KHNYN: variants seen among roughly 807,000 people sequenced by gnomAD.
KHNYN encodes protein KHNYN.
KHNYN carries 42 observed loss-of-function variants against 62.7 expected under a neutral mutation model. That is an observed-to-expected ratio of 0.67 (90% CI 0.52 to 0.87). The LOEUF is 0.87. Ranked by LOEUF, KHNYN falls within the 40% of genes least tolerant of loss-of-function variation. The pLI, the probability that KHNYN is intolerant of heterozygous loss-of-function variation, is 0.00. For missense variants in KHNYN, 829 were observed against 874.1 expected (o/e 0.95, Z 0.65); for synonymous variants, 347 against 345.6 (o/e 1.00, Z -0.04).
chr14:24,427,909 G>A (rs199940555), upstream of KHNYN: 2 of 1,614,034 alleles, frequency 1.2e-6, no homozygotes, highest in East Asian at 2.2e-5. This position sits in a 1 kb window ranked among gnomAD's most constrained non-coding sequence, Gnocchi z 4.4. Context: ...GCACAGAGCT[G>A]GTGGCTGCCT....
At chr14:24,428,546 G>A, upstream of KHNYN, 2 of 1,156,392 alleles carry the variant, frequency 1.7e-6, no homozygotes, top group Non-Finnish European at 2.4e-6. Flanking sequence ...AGATTCAAAA[G>A]AAATGGTGAG....
chr14:24,440,438 C>T lies in KHNYN; in HGVS notation c.*3153C>T, dbSNP rs373631253. ...GCCGATGGGGCCCCCCAGGCCCAGG[C>T]GAAAGGGCAGCAGCATGTGGCCCAT... On this transcript the variant is annotated 3_prime_UTR_variant, in exon 8 of 8. Coordinates refer to ENST00000553935, the MANE Select transcript of KHNYN (RefSeq NM_015299.3). 1.0e-4 allele frequency: 164 copies of T among 1,611,864 alleles called. No homozygotes were observed. Among genetic ancestry groups the T allele is most frequent in the Middle Eastern group, 1.6e-4 (1 of 6,084 alleles).
chr14:24,423,391 C>A, the KHNYN span, among the ~76,000 whole-genome samples: 1 of 151,988 alleles, frequency 6.6e-6, no homozygotes, highest in Non-Finnish European at 1.5e-5. Context: ...GGATCCAAGA[C>A]TGGTGGATGA....
chr14:24,435,667 G>A (rs1397979065), intron 5 of KHNYN: 7 of 203,076 alleles, frequency 3.4e-5, no homozygotes, highest in Admixed American at 1.6e-4. Context: ...GTTTACTAAC[G>A]AGGCACAAAG....
intron 1 of KHNYN, 43 bp downstream of exon 1, chr14:24,430,162 G>A (rs2043078043): frequency 5.1e-6 from 5 of 982,738 alleles, no homozygotes; most frequent in Non-Finnish European, 6.0e-6. Context: ...GGGAGCGGGG[G>A]CCGCGGTGCG....
rs1448838002 is a variant in KHNYN, at chr14:24,438,844, CAA to C, written c.*1560_*1561del. The C allele has an allele frequency of 6.6e-6, 1 of 152,156 alleles. No homozygotes were observed. The highest frequency in any genetic ancestry group is 3.2e-3 in the Middle Eastern group (1 of 316). 9.4% of individuals were successfully genotyped at this position (152,156 alleles called of 1,614,324 possible). On this transcript the variant is annotated 3_prime_UTR_variant, in exon 8 of 8. Coordinates refer to ENST00000553935, the MANE Select transcript of KHNYN (RefSeq NM_015299.3). ...TGTGGGCCTGTGGGGAGTCTCTAGACAAGATCTTTTCCAGGCCCTGACTTCTG... is the reference window on the plus strand; with the variant it reads ...TGTGGGCCTGTGGGGAGTCTCTAGACGATCTTTTCCAGGCCCTGACTTCTG...
At chr14:24,436,995 C>A (rs765366637) in intron 7 of KHNYN, 41 bp from the exon 8 acceptor site, 9 of 1,585,868 alleles carry the variant, frequency 5.7e-6, no homozygotes, top group African/African-American at 5.4e-5. Flanking sequence ...AATTTCCCCC[C>A]CAGGATGCTC....
upstream of KHNYN, among the ~76,000 whole-genome samples, chr14:24,426,127 G>A (rs1014642191): frequency 6.6e-6 from 1 of 152,072 alleles, no homozygotes; most frequent in Non-Finnish European, 1.5e-5. Context: ...TATCATTGCA[G>A]GTACATGGAT....
In KHNYN at chr14:24,437,361, C is replaced by T; in HGVS notation, c.*76C>T. On this transcript the variant is annotated 3_prime_UTR_variant, in exon 8 of 8. Transcript: ENST00000553935. This position sits in a 1 kb window ranked among gnomAD's most constrained non-coding sequence, Gnocchi z 5.5. ...CTCAGCCCTTTCTGTGAGAGTCCCT[C>T]TGCTGCTCACTCTGATCCAGAGGCA... The T allele has an allele frequency of 6.6e-7, 1 of 1,525,220 alleles. No individual in the cohort carries two copies. The highest frequency in any genetic ancestry group is 2.3e-5 in the East Asian group (1 of 44,212). The allele number at this position is 1,525,220 out of a possible 1,614,324, so 94.5% of individuals were successfully genotyped here.
Position 24,441,527 on chromosome 14 carries a change from A to T in KHNYN, c.*4242A>T. ...TCAATTTCTTAGTGAAAGTACACAAAGGTTAGGAGAAACATGCATGGATCA... is the reference window on the plus strand; with the variant it reads ...TCAATTTCTTAGTGAAAGTACACAATGGTTAGGAGAAACATGCATGGATCA... On this transcript the variant is annotated 3_prime_UTR_variant, in exon 8 of 8. Coordinates refer to ENST00000553935, the MANE Select transcript of KHNYN (RefSeq NM_015299.3). 1 of 630,592 alleles carries T rather than the reference A, an allele frequency of 1.6e-6. No individual in the cohort carries two copies. The highest frequency in any genetic ancestry group is 2.6e-6 in the Non-Finnish European group (1 of 387,838). The allele number at this position is 630,592 out of a possible 1,614,324, so 39.1% of individuals were successfully genotyped here.
upstream of KHNYN, chr14:24,429,583 TCCGCCTC>T (rs1040943416): frequency 8.0e-5 from 55 of 690,074 alleles, no homozygotes; most frequent in East Asian, 1.7e-4. Flanking sequence ...ACGGGTACCC[TCCGCCTC>T]CCGCCTCCCG....
rs752847582 is a variant in KHNYN, at chr14:24,440,334, C to A, written c.*3049C>A. 105 of 1,614,010 alleles carry A rather than the reference C, an allele frequency of 6.5e-5. No individual in the cohort carries two copies. The Admixed American group carries it at 1.7e-3, about 26-fold the overall frequency. ...GCCACTCCATTCAGGACCCCGTGCA[C>A]GTGGTTTGCTTCAAGGGCATGGGTC... On this transcript the variant is annotated 3_prime_UTR_variant, in exon 8 of 8. Coordinates refer to ENST00000553935, the MANE Select transcript of KHNYN (RefSeq NM_015299.3).
rs1239947709 is a variant in KHNYN, at chr14:24,440,572, C to T, written c.*3287C>T. 2 of 1,488,978 alleles carry T rather than the reference C, an allele frequency of 1.3e-6. No homozygotes were observed. The highest frequency in any genetic ancestry group is 2.0e-5 in the Admixed American group (1 of 50,264). The allele number at this position is 1,488,978 out of a possible 1,614,324, so 92.2% of individuals were successfully genotyped here. Reference sequence around the variant, plus strand: ...CTGCTCCTCCTGGTTTCTGTTTCCCCTTCCTCACTCTCCCCATGCTGACTT... The same window carrying T: ...CTGCTCCTCCTGGTTTCTGTTTCCCTTTCCTCACTCTCCCCATGCTGACTT... On this transcript the variant is annotated 3_prime_UTR_variant, in exon 8 of 8. Coordinates refer to ENST00000553935, the MANE Select transcript of KHNYN (RefSeq NM_015299.3).
chr14:24,440,784 T>C lies in KHNYN; in HGVS notation c.*3499T>C, dbSNP rs1166185386. 2 of 1,613,914 alleles carry C rather than the reference T, an allele frequency of 1.2e-6. No homozygotes were observed. Among genetic ancestry groups the C allele is most frequent in the East Asian group, 4.5e-5 (2 of 44,890 alleles). On this transcript the variant is annotated 3_prime_UTR_variant, in exon 8 of 8. Transcript: ENST00000553935. ...CTGATACCCAGGCCCGTTTCTCACC[T>C]GAGCGCACCACCACCTGGCGTGTAG...
upstream of KHNYN, chr14:24,428,280 G>A (rs2043044204): frequency 2.5e-6 from 4 of 1,613,584 alleles, no homozygotes; most frequent in Non-Finnish European, 3.4e-6. Context: ...CCAGTGCTGA[G>A]GTCACCTGGA....
At chr14:24,431,239 G>A (rs1226496784) in intron 2 of KHNYN, among the ~76,000 whole-genome samples, 6 of 152,204 alleles carry the variant, frequency 3.9e-5, no homozygotes, top group Non-Finnish European at 1.5e-5. Context: ...TGTGGGGTGG[G>A]AGGCTGGGCC....
At position 24,441,398 on chromosome 14, in the gene KHNYN, A is replaced by G. The variant is rs1251404851; in HGVS notation, c.*4113A>G. The G allele has an allele frequency of 4.1e-6, 2 of 483,284 alleles. No individual in the cohort carries two copies. Among genetic ancestry groups the G allele is most frequent in the Non-Finnish European group, 7.3e-6 (2 of 275,432 alleles). 29.9% of individuals were successfully genotyped at this position (483,284 alleles called of 1,614,324 possible). A position where few individuals can be genotyped will look rare whatever the true frequency, so the allele number is the denominator to read the frequency against. ...TACTTGGTCCCAAAGGTGACCAGGA[A>G]CTCTGTTCCTAAAGAACTATGGTGT... is the stretch of plus-strand genomic sequence containing the variant. On this transcript the variant is annotated 3_prime_UTR_variant, in exon 8 of 8. Transcript: ENST00000553935.
chr14:24,441,703 G>T lies in KHNYN; in HGVS notation c.*4418G>T, dbSNP rs754080553. The T allele has an allele frequency of 6.3e-7, 1 of 1,594,532 alleles. No individual in the cohort carries two copies. The highest frequency in any genetic ancestry group is 1.9e-5 in the Admixed American group (1 of 52,626). The stretch of plus-strand genomic sequence containing the variant: ...ACCTGTGACTAAGACCCAGGCCTTG[G>T]GGGGTTGTGGGGCTTTGGTGATGGC... On this transcript the variant is annotated 3_prime_UTR_variant, in exon 8 of 8. Transcript: ENST00000553935.
In KHNYN at chr14:24,440,677, G is replaced by T; in HGVS notation, c.*3392G>T. On this transcript the variant is annotated 3_prime_UTR_variant, in exon 8 of 8. Coordinates refer to ENST00000553935, the MANE Select transcript of KHNYN (RefSeq NM_015299.3). Reference sequence around the variant, plus strand: ...ATCTGCAGGTTGGCTAGAAGTGGTGGCATCCTCTCACTCTGTAATTGTAAT... The same window carrying T: ...ATCTGCAGGTTGGCTAGAAGTGGTGTCATCCTCTCACTCTGTAATTGTAAT... The T allele has an allele frequency of 6.9e-7, 1 of 1,447,502 alleles. No homozygotes were observed. The highest frequency in any genetic ancestry group is 9.5e-7 in the Non-Finnish European group (1 of 1,051,986). 89.7% of individuals were successfully genotyped at this position (1,447,502 alleles called of 1,614,324 possible).
Sources: allele counts gnomAD v4.1 joint callset (sites outside exome capture counted in the v4.1 genomes callset), GRCh38; gene constraint gnomAD v4.1.1; non-coding constraint Gnocchi (gnomAD v3.1); transcripts MANE v1.5; gene names NCBI Gene and HGNC (gene_info 2026-07-23, HGNC 2026-07-21).